LSAMP: variants seen among roughly 807,000 people sequenced by gnomAD.
LSAMP encodes limbic system associated membrane protein, also known as limbic system-associated membrane protein.
In LSAMP, 7 loss-of-function variants were observed where a neutral mutation model predicts 38.6. The ratio of observed to expected loss-of-function variants is 0.18; its 90% CI spans 0.10 to 0.34. LSAMP has a LOEUF of 0.34. Among genes scored for constraint, LSAMP ranks in the 10% least tolerant of loss-of-function variants. The pLI, the probability that LSAMP is intolerant of heterozygous loss-of-function variation, is 1.00. For synonymous variants in LSAMP, 154 were observed against 166.8 expected, an observed-to-expected ratio of 0.92 and a Z score of 0.59; for missense variants, 313 against 420.0, an observed-to-expected ratio of 0.75 and a Z score of 2.23.
At chr3:116,203,383 CTTTTTATT>C (rs2046016624) in intron 1 of LSAMP, among the ~76,000 whole-genome samples, 1 of 51,768 alleles carries the variant, frequency 1.9e-5, no homozygotes, top group Admixed American at 2.6e-4. Context: ...TCTCAAATTT[CTTTTTATT>C]TATTTATTTT....
intron 2 of LSAMP, among the ~76,000 whole-genome samples, chr3:116,080,295 CTA>C (rs1354657243): frequency 2.0e-5 from 3 of 152,130 alleles, no homozygotes; most frequent in Non-Finnish European, 4.4e-5. Context: ...TTCATGAAGT[CTA>C]TATTTTCATA....
intron 3 of LSAMP, among the ~76,000 whole-genome samples, chr3:115,921,100 A>G (rs1576220270): frequency 6.6e-6 from 1 of 152,090 alleles, no homozygotes; most frequent in Non-Finnish European, 1.5e-5. Flanking sequence ...TTAAATCTAA[A>G]GTAAATGTTT....
In LSAMP at chr3:115,804,007, C is replaced by A. The variant is rs561788646; in HGVS notation, c.*6310G>T. The A allele has an allele frequency of 2.0e-5, 3 of 152,288 alleles. No individual in the cohort carries two copies. In the South Asian group the frequency reaches 6.2e-4, roughly 32 times the overall value. The allele number at this position is 152,288 out of a possible 1,614,324, so 9.4% of individuals were successfully genotyped here. On this transcript the variant is annotated 3_prime_UTR_variant, in exon 7 of 7. Coordinates refer to ENST00000490035, the MANE Select transcript of LSAMP (RefSeq NM_002338.5). Reference sequence around the variant, plus strand: ...GAAAGATTATTAGAATATAGTTCCACATTTAGGTTTTATAATATAAACAAG... The same window carrying A: ...GAAAGATTATTAGAATATAGTTCCAAATTTAGGTTTTATAATATAAACAAG...
At position 116,274,668 on chromosome 3, in the gene LSAMP, A is replaced by C. The variant is rs111508920; in HGVS notation, c.155+170209T>G. Among the ~76,000 whole-genome samples the C allele has an allele frequency of 4.0e-5, 6 of 151,832 alleles. 1 individual carries two copies. The highest frequency in any genetic ancestry group is 1.4e-4 in the African/African-American group (6 of 41,480). On this transcript the variant is annotated intron_variant, in intron 1 of 6. Transcript: ENST00000490035. ...TGAAACAGTGAGACAGAAATTTGTC[A>C]CTGGATTTGGTAAATAAGGTGTTTT...
intron 4 of LSAMP, among the ~76,000 whole-genome samples, chr3:115,844,425 T>A (rs1236464885): frequency 1.3e-5 from 2 of 152,142 alleles, no homozygotes; most frequent in Non-Finnish European, 2.9e-5. Context: ...TTTTATCTTT[T>A]TAAAAAAGAA....
Position 116,268,223 on chromosome 3 carries a change from G to A in LSAMP, c.155+176654C>T, listed in dbSNP as rs530791900. On this transcript the variant is annotated intron_variant, in intron 1 of 6. Transcript: ENST00000490035. ...TGGCCATTAAAAAAAAAATGTGTGT[G>A]TGTAGTAGGCAAGATGCAACCATTC... Among the ~76,000 whole-genome samples the A allele has an allele frequency of 2.0e-5, 3 of 151,780 alleles. No homozygotes were observed. The South Asian group carries it at 6.2e-4, about 32-fold the overall frequency.
Position 115,885,052 on chromosome 3 carries a change from A to G in LSAMP, c.515-32435T>C, listed in dbSNP as rs572975940. Among the ~76,000 whole-genome samples, 39 of 152,206 alleles carry G rather than the reference A, an allele frequency of 2.6e-4. 1 individual carries two copies. The highest frequency in any genetic ancestry group is 2.9e-5 in the Non-Finnish European group (2 of 67,974). Reference sequence around the variant, plus strand: ...TTGAACTTGGTATCTTTATAATCCAAGTAAAAACATTTAGGGAACTTACAG... The same window carrying G: ...TTGAACTTGGTATCTTTATAATCCAGGTAAAAACATTTAGGGAACTTACAG... On this transcript the variant is annotated intron_variant, in intron 3 of 6. Transcript: ENST00000490035.
chr3:116,311,081 T>C (rs911160200), intron 1 of LSAMP, among the ~76,000 whole-genome samples: 1 of 152,104 alleles, frequency 6.6e-6, no homozygotes, highest in Non-Finnish European at 1.5e-5. Flanking sequence ...TTGAGGATCA[T>C]CACTTACAGA....
intron 1 of LSAMP, among the ~76,000 whole-genome samples, chr3:116,433,457 C>T (rs1218103051): frequency 1.1e-4 from 16 of 152,104 alleles, no homozygotes; most frequent in Non-Finnish European, 1.9e-4. Flanking sequence ...ATAAATAATA[C>T]CCTTGTACAT....
At chr3:116,091,400 G>A (rs778671987) in intron 1 of LSAMP, among the ~76,000 whole-genome samples, 5 of 151,976 alleles carry the variant, frequency 3.3e-5, no homozygotes, top group African/African-American at 9.7e-5. Flanking sequence ...CATCCTTCTC[G>A]GCTGACAGGA....
rs187145655 is a variant in LSAMP, at chr3:115,923,990, G to A, written c.515-71373C>T. ...ATGATGCCTATTTTTTTTTCTTTTC[G>A]TCCAGTATCTAGCAAGGCCATCAGT... On this transcript the variant is annotated intron_variant, in intron 3 of 6. Transcript: ENST00000490035. 1.8e-3 allele frequency among the ~76,000 whole-genome samples: 274 copies of A among 149,946 alleles called. 2 individuals carry two copies. The highest frequency in any genetic ancestry group is 4.6e-3 in the African/African-American group (186 of 40,818).
rs533456882 is a variant in LSAMP, at chr3:115,804,185, T to C, written c.*6132A>G. 9.2e-5 allele frequency: 14 copies of C among 152,296 alleles called. No individual in the cohort carries two copies. The East Asian group carries it at 1.5e-3, about 17-fold the overall frequency. The allele number at this position is 152,296 out of a possible 1,614,324, so 9.4% of individuals were successfully genotyped here. On this transcript the variant is annotated 3_prime_UTR_variant, in exon 7 of 7. Transcript: ENST00000490035. Reference sequence around the variant, plus strand: ...GGGTTTAGAAATGAAGACGGTAGAATGATAGTTCTGAGAAGTGATGAGAAT... The same window carrying C: ...GGGTTTAGAAATGAAGACGGTAGAACGATAGTTCTGAGAAGTGATGAGAAT...
chr3:116,435,964 A>G (rs2107880759), intron 1 of LSAMP, among the ~76,000 whole-genome samples: 2 of 152,312 alleles, frequency 1.3e-5, no homozygotes, highest in South Asian at 4.1e-4. Flanking sequence ...AGTAACAGGC[A>G]GAGGTACCAG....
chr3:116,178,752 A>G (rs377354870), intron 1 of LSAMP, among the ~76,000 whole-genome samples: 1 of 152,188 alleles, frequency 6.6e-6, no homozygotes, highest in South Asian at 2.1e-4. Flanking sequence ...CCCACCCTTC[A>G]AAACAGATAA....
intron 1 of LSAMP, among the ~76,000 whole-genome samples, chr3:116,220,190 AC>A (rs1270530810): frequency 6.7e-6 from 1 of 148,818 alleles, no homozygotes; most frequent in African/African-American, 2.5e-5. Flanking sequence ...CTCAAAACAC[AC>A]ACACACACAC....
At chr3:115,887,144 TAA>T (rs1936475449) in intron 3 of LSAMP, among the ~76,000 whole-genome samples, 1 of 151,912 alleles carries the variant, frequency 6.6e-6, no homozygotes. Flanking sequence ...CAGGAAAGCC[TAA>T]ATAATTTTCA....
At chr3:116,128,062 G>C (rs929120660) in intron 1 of LSAMP, among the ~76,000 whole-genome samples, 4 of 151,990 alleles carry the variant, frequency 2.6e-5, no homozygotes, top group African/African-American at 9.7e-5. Flanking sequence ...TTGAATGCCT[G>C]GTTGGATGTA....
intron 3 of LSAMP, among the ~76,000 whole-genome samples, chr3:115,951,409 A>G (rs1259964751): frequency 6.6e-6 from 1 of 152,178 alleles, no homozygotes; most frequent in East Asian, 1.9e-4. Context: ...TCTATAAGGA[A>G]CTCAAACAAA....
chr3:115,990,557 C>A (rs1196746934), intron 3 of LSAMP, among the ~76,000 whole-genome samples: 1 of 152,076 alleles, frequency 6.6e-6, no homozygotes, highest in Non-Finnish European at 1.5e-5. Context: ...TCTGAACACA[C>A]CAATCAGCTT....
Sources: allele counts gnomAD v4.1 joint callset (sites outside exome capture counted in the v4.1 genomes callset), GRCh38; gene constraint gnomAD v4.1.1; transcripts MANE v1.5; gene names NCBI Gene and HGNC (gene_info 2026-07-23, HGNC 2026-07-21).